The following PRELID2 variants were observed in gnomAD, a reference collection of about 807,000 sequenced individuals.
The protein encoded by PRELID2 is PRELI domain containing 2.
PRELID2 carries 25 observed loss-of-function variants against 28.4 expected under a neutral mutation model. That is an observed-to-expected ratio of 0.88 (90% confidence interval 0.64 to 1.23). PRELID2 has a LOEUF of 1.23. Ranked by LOEUF, PRELID2 falls within the 50% of genes most tolerant of loss-of-function variation. The pLI is 0.00. For missense variants in PRELID2, 201 were observed against 214.4 expected, an observed-to-expected ratio of 0.94 and a Z score of 0.39; for synonymous variants, 76 against 71.6, an observed-to-expected ratio of 1.06 and a Z score of -0.31.
In PRELID2 at chr5:145,820,020, T is replaced by C. The variant is rs1209463239; in HGVS notation, c.134-2A>G. The C allele has an allele frequency of 5.7e-6, 9 of 1,567,354 alleles. No individual in the cohort carries two copies. Among genetic ancestry groups the C allele is most frequent in the Non-Finnish European group, 6.9e-6 (8 of 1,152,584 alleles). ...TGTAGATGACCCCTGTTGATTCATC[T>C]AAAAAAGAAATTTTTTTACACAAAA... On this transcript the variant is annotated splice_acceptor_variant, in intron 2 of 6. Transcript: ENST00000683046. LOFTEE classifies it high-confidence loss of function.
chr5:145,312,265 C>A, the PRELID2 span, among the ~76,000 whole-genome samples: 1 of 151,932 alleles, frequency 6.6e-6, no homozygotes, highest in South Asian at 2.1e-4. Flanking sequence ...GAGGTGGGAT[C>A]ACTTGAGCCC....
chr5:145,375,156 G>A, the PRELID2 span, among the ~76,000 whole-genome samples: 1 of 152,010 alleles, frequency 6.6e-6, no homozygotes, highest in African/African-American at 2.4e-5. Context: ...ACCCTTGAAT[G>A]CAGTTTTTGT....
the PRELID2 span, among the ~76,000 whole-genome samples, chr5:145,410,060 A>G: frequency 6.6e-6 from 1 of 152,232 alleles, no homozygotes; most frequent in African/African-American, 2.4e-5. Context: ...TAAGGTGGCA[A>G]AAAGACACCC....
At chr5:145,741,032 A>C (rs1173073177) in intron 1 of PRELID2, among the ~76,000 whole-genome samples, 1 of 117,626 alleles carries the variant, frequency 8.5e-6, no homozygotes, top group African/African-American at 3.4e-5. Flanking sequence ...AATATATATT[A>C]TATATTTGTA....
chr5:145,329,387 C>T, the PRELID2 span, among the ~76,000 whole-genome samples: 1 of 152,122 alleles, frequency 6.6e-6, no homozygotes, highest in African/African-American at 2.4e-5. Flanking sequence ...GCCATTTTTA[C>T]AATATTGATT....
the PRELID2 span, among the ~76,000 whole-genome samples, chr5:145,251,151 G>T: frequency 1.2e-4 from 18 of 152,062 alleles, no homozygotes; most frequent in African/African-American, 3.6e-4. Flanking sequence ...TTTTCTTGAT[G>T]ACCCCAGTAG....
the PRELID2 span, among the ~76,000 whole-genome samples, chr5:145,463,389 T>C: frequency 1.3e-5 from 2 of 151,074 alleles, no homozygotes; most frequent in Non-Finnish European, 2.9e-5. Flanking sequence ...GATATGGTCC[T>C]GTCTAATCCT....
the PRELID2 span, among the ~76,000 whole-genome samples, chr5:145,382,893 T>TA: frequency 6.6e-6 from 1 of 151,694 alleles, no homozygotes; most frequent in Admixed American, 6.6e-5. Flanking sequence ...TAAAATAATA[T>TA]AAAAAATGAA....
chr5:145,306,140 G>A, the PRELID2 span, among the ~76,000 whole-genome samples: 8 of 152,238 alleles, frequency 5.3e-5, no homozygotes, highest in African/African-American at 1.9e-4. Flanking sequence ...TCCAGTAATG[G>A]AACACTAGTT....
At chr5:145,393,085 G>A in the PRELID2 span, among the ~76,000 whole-genome samples, 2 of 152,192 alleles carry the variant, frequency 1.3e-5, no homozygotes, top group East Asian at 3.8e-4. Context: ...CTACTAATAT[G>A]TGAGATTAAT....
chr5:145,327,979 C>T, the PRELID2 span, among the ~76,000 whole-genome samples: 8 of 152,044 alleles, frequency 5.3e-5, no homozygotes, highest in South Asian at 2.1e-4. Flanking sequence ...GTTCCCCTCC[C>T]GGTGTCCCTG....
chr5:145,747,668 A>G (rs1757027430), intron 1 of PRELID2, among the ~76,000 whole-genome samples: 1 of 152,226 alleles, frequency 6.6e-6, no homozygotes, highest in Non-Finnish European at 1.5e-5. Flanking sequence ...TGAAGCCAGC[A>G]TCATCCTGAT....
At chr5:145,275,373 T>C in the PRELID2 span, among the ~76,000 whole-genome samples, 1 of 151,794 alleles carries the variant, frequency 6.6e-6, no homozygotes, top group African/African-American at 2.4e-5. Context: ...AAGAGGAGCC[T>C]GAAATAGGGG....
At chr5:145,761,935 A>C (rs1757495239) in intron 6 of PRELID2, among the ~76,000 whole-genome samples, 1 of 152,184 alleles carries the variant, frequency 6.6e-6, no homozygotes, top group African/African-American at 2.4e-5. Context: ...CCATTAACAT[A>C]GGCATATTTC....
chr5:145,270,909 G>A, the PRELID2 span, among the ~76,000 whole-genome samples: 1 of 152,080 alleles, frequency 6.6e-6, no homozygotes, highest in African/African-American at 2.4e-5. Context: ...AAAGGAAAGA[G>A]GTTTAATTAA....
At chr5:145,744,600 G>T (rs138955573) in intron 1 of PRELID2, among the ~76,000 whole-genome samples, 46 of 152,204 alleles carry the variant, frequency 3.0e-4, no homozygotes, top group African/African-American at 1.0e-3. Flanking sequence ...GCAAACCACA[G>T]CAACCCTACA....
At chr5:145,740,368 A>G (rs1180340411) in intron 1 of PRELID2, among the ~76,000 whole-genome samples, 1 of 132,500 alleles carries the variant, frequency 7.5e-6, no homozygotes, top group African/African-American at 2.7e-5. Flanking sequence ...AAATATGTGC[A>G]GCAAAAATTT....
chr5:145,668,018 C>A (rs1255225171), intron 1 of PRELID2, among the ~76,000 whole-genome samples: 1 of 152,072 alleles, frequency 6.6e-6, no homozygotes, highest in African/African-American at 2.4e-5. Flanking sequence ...TCATCCAATT[C>A]ATTTTGGGAG....
intron 1 of PRELID2, among the ~76,000 whole-genome samples, chr5:145,643,558 G>A (rs1754145994): frequency 6.6e-6 from 1 of 152,186 alleles, no homozygotes. Context: ...TGTTCAATAG[G>A]AGTGGTGAGA....
Sources: gnomAD v4.1 joint callset for allele counts (sites outside exome capture counted in the v4.1 genomes callset) on GRCh38, gnomAD v4.1.1 for gene constraint, MANE v1.5 for transcripts, NCBI Gene and HGNC (gene_info 2026-07-23, HGNC 2026-07-21) for gene names.